The following MRTFA variants were observed in gnomAD, a reference collection of about 807,000 sequenced individuals.
MRTFA encodes myocardin-related transcription factor A.
Under a neutral mutation model 83.5 loss-of-function variants are expected in MRTFA, and 20 were observed. That is an observed-to-expected ratio of 0.24 (90% CI 0.17 to 0.35). The LOEUF (loss-of-function observed/expected upper bound fraction) is 0.35, where lower values mean the gene tolerates loss of function less well. Ranked by LOEUF, MRTFA falls within the 10% of genes least tolerant of loss-of-function variation. MRTFA has a pLI of 1.00. For synonymous variants in MRTFA, 659 were observed against 541.2 expected (o/e 1.22, Z -3.02); for missense variants, 1,200 against 1,224.7 (o/e 0.98, Z 0.30).
At chr22:40,440,460 C>G (rs540984041) in intron 4 of MRTFA, among the ~76,000 whole-genome samples, 1 of 152,302 alleles carries the variant, frequency 6.6e-6, no homozygotes, top group South Asian at 2.1e-4. Flanking sequence ...AGTCTGTGCT[C>G]CTCTTTCCTC....
chr22:40,593,170 C>A (rs2056145789), intron 2 of MRTFA, among the ~76,000 whole-genome samples: 5 of 151,924 alleles, frequency 3.3e-5, no homozygotes, highest in African/African-American at 1.2e-4. Context: ...GTAGCAAGCC[C>A]CCAAAAAAAG....
chr22:40,607,050 C>G (rs2056326092), intron 1 of MRTFA, among the ~76,000 whole-genome samples: 1 of 152,192 alleles, frequency 6.6e-6, no homozygotes, highest in African/African-American at 2.4e-5. Flanking sequence ...CAGTGCCTAA[C>G]AGAAAACAGA....
In MRTFA at chr22:40,447,268, G is replaced by A. The variant is rs550216230; in HGVS notation, c.308-11714C>T. Among the ~76,000 whole-genome samples, 35 of 151,844 alleles carry A rather than the reference G, an allele frequency of 2.3e-4. No homozygotes were observed. The South Asian group carries it at 7.1e-3, about 31-fold the overall frequency. On this transcript the variant is annotated intron_variant, in intron 4 of 14. Coordinates refer to ENST00000355630, the MANE Select transcript of MRTFA (RefSeq NM_020831.6). Reference sequence around the variant, plus strand: ...TTGGGGGAGCCGAGGCAGGAGGACTGTTTGAGGCCAGGAGGTTGAGGCTGT... The same window carrying A: ...TTGGGGGAGCCGAGGCAGGAGGACTATTTGAGGCCAGGAGGTTGAGGCTGT...
At chr22:40,500,745 G>T (rs2054453314) in intron 3 of MRTFA, among the ~76,000 whole-genome samples, 1 of 149,538 alleles carries the variant, frequency 6.7e-6, no homozygotes, top group African/African-American at 2.5e-5. Flanking sequence ...CAAGGCAGAG[G>T]AATTTTTCTT....
At chr22:40,539,532 CTT>C (rs2055251597) in intron 3 of MRTFA, among the ~76,000 whole-genome samples, 1 of 137,900 alleles carries the variant, frequency 7.3e-6, no homozygotes, top group Non-Finnish European at 1.6e-5. Flanking sequence ...TTGAGACAGT[CTT>C]TCTCTGTAGC....
At chr22:40,540,159 G>A (rs1049789929) in intron 3 of MRTFA, among the ~76,000 whole-genome samples, 3 of 151,716 alleles carry the variant, frequency 2.0e-5, no homozygotes, top group Admixed American at 2.0e-4. Context: ...CAATCCTCCC[G>A]CCTCAGCCTC....
chr22:40,441,909 T>A (rs1257794861), intron 4 of MRTFA, among the ~76,000 whole-genome samples: 2 of 151,880 alleles, frequency 1.3e-5, no homozygotes, highest in African/African-American at 2.4e-5. Context: ...CTGTGCTCAG[T>A]GTGTCGACAC....
rs775478687 is a variant in MRTFA at position 40,435,567 on chromosome 22, G to T, written c.308-13C>A. ...GGACTTTTCAAAGCTGTTGAGAGAA[G>T]AACCGTAAAGATTACCTTCAAGCGA... On this transcript the variant is annotated splice_polypyrimidine_tract_variant and intron_variant, in intron 4 of 14. Coordinates refer to ENST00000355630, the MANE Select transcript of MRTFA (RefSeq NM_020831.6). The T allele has an allele frequency of 6.2e-7, 1 of 1,613,952 alleles. No individual in the cohort carries two copies. Among genetic ancestry groups the T allele is most frequent in the Non-Finnish European group, 8.5e-7 (1 of 1,179,840 alleles).
intron 3 of MRTFA, among the ~76,000 whole-genome samples, chr22:40,537,123 C>T (rs2055197314): frequency 3.7e-5 from 2 of 54,616 alleles, no homozygotes; most frequent in African/African-American, 6.8e-5. Context: ...GGGGGGTCAG[C>T]CCCCCGCCCG....
At chr22:40,458,335 G>A (rs2053633438) in intron 4 of MRTFA, among the ~76,000 whole-genome samples, 1 of 152,196 alleles carries the variant, frequency 6.6e-6, no homozygotes, top group Admixed American at 6.5e-5. Context: ...TAGCACATCA[G>A]AAACCAACTT....
chr22:40,633,819 T>A (rs1273309821), intron 1 of MRTFA, among the ~76,000 whole-genome samples: 1 of 152,148 alleles, frequency 6.6e-6, no homozygotes, highest in Non-Finnish European at 1.5e-5. Context: ...ATGATAATAA[T>A]GATAATATGG....
rs1198671146 is a variant in MRTFA, at chr22:40,501,005, G to A, written c.242-37719C>T. Among the ~76,000 whole-genome samples the A allele has an allele frequency of 2.2e-3, 277 of 127,284 alleles. 7 individuals are homozygous for A. The highest frequency in any genetic ancestry group is 8.3e-3 in the African/African-American group (259 of 31,144). The allele number at this position is 127,284 out of a possible 152,430, so 83.5% of individuals were successfully genotyped here. A position where few individuals can be genotyped will look rare whatever the true frequency, so the allele number is the denominator to read the frequency against. ...GCGCCCCTCACCTCCCGGACGGGGC[G>A]GCTGGCCGGGCGGGGGGCTGACCCC... On this transcript the variant is annotated intron_variant, in intron 3 of 14. Transcript: ENST00000355630.
intron 1 of MRTFA, among the ~76,000 whole-genome samples, chr22:40,606,931 T>C: frequency 6.6e-6 from 1 of 152,236 alleles, no homozygotes; most frequent in Non-Finnish European, 1.5e-5. Context: ...AGCTCAGGAG[T>C]GTCTTGTAAG....
intron 3 of MRTFA, among the ~76,000 whole-genome samples, chr22:40,550,787 C>T (rs2055431546): frequency 6.6e-6 from 1 of 151,540 alleles, no homozygotes; most frequent in African/African-American, 2.4e-5. Flanking sequence ...ACGCAAAGTA[C>T]ATAAGTTGGG....
chr22:40,472,272 A>G (rs1284932417), intron 3 of MRTFA, among the ~76,000 whole-genome samples: 2 of 152,224 alleles, frequency 1.3e-5, no homozygotes, highest in Admixed American at 6.5e-5. Context: ...GAGCTACCCT[A>G]TGTAATGCTA....
intron 3 of MRTFA, chr22:40,519,612 T>C: frequency 7.6e-7 from 1 of 1,319,154 alleles, no homozygotes; most frequent in Admixed American, 2.5e-5. Flanking sequence ...GAGACATTTT[T>C]CTGTTGTACA....
At chr22:40,496,307 T>C (rs2054354693) in intron 3 of MRTFA, among the ~76,000 whole-genome samples, 1 of 150,858 alleles carries the variant, frequency 6.6e-6, no homozygotes, top group South Asian at 2.1e-4. Flanking sequence ...CTCAGTAAAT[T>C]TGAGCTGTTG....
chr22:40,604,153 C>G (rs1427574241), intron 1 of MRTFA, among the ~76,000 whole-genome samples: 3 of 147,206 alleles, frequency 2.0e-5, no homozygotes, highest in African/African-American at 7.5e-5. Flanking sequence ...CTTTTTGAGA[C>G]AGAGTCTTGC....
At chr22:40,522,177 G>A (rs2054880930) in intron 3 of MRTFA, 1 of 152,122 alleles carries the variant, frequency 6.6e-6, no homozygotes, top group African/African-American at 2.4e-5. Flanking sequence ...TTAACATACA[G>A]ATAGCCAGTT....
Sources: allele counts gnomAD v4.1 joint callset (sites outside exome capture counted in the v4.1 genomes callset), GRCh38; gene constraint gnomAD v4.1.1; transcripts MANE v1.5; gene names NCBI Gene and HGNC (gene_info 2026-07-23, HGNC 2026-07-21).